The following CCNY variants were observed in gnomAD, a reference collection of about 807,000 sequenced individuals.
The protein encoded by CCNY is cyclin Y.
A neutral mutation model predicts 42.8 loss-of-function variants in CCNY; 19 were observed. The ratio of observed to expected loss-of-function variants is 0.44; its 90% CI spans 0.31 to 0.65. The LOEUF (loss-of-function observed/expected upper bound fraction) is 0.65. Among genes scored for constraint, CCNY ranks in the 30% least tolerant of loss-of-function variants. The pLI is 0.07. For synonymous variants in CCNY, 165 were observed against 162.7 expected (o/e 1.01, Z -0.11); for missense variants, 370 against 437.3 (o/e 0.85, Z 1.37).
rs57188309 is a variant in CCNY, at chr10:35,416,160, C to CGTGTGTGTGTGTGT, written c.155-67223_155-67210dup. The stretch of plus-strand genomic sequence containing the variant: ...ACCTGATCTGGAAACTTGTGGCACC[C>CGTGTGTGTGTGTGT]GTGTGTGTGTGTGTGTGTGTGTGTG... On this transcript the variant is annotated intron_variant, in intron 1 of 9. Coordinates refer to ENST00000374704, the MANE Select transcript of CCNY (RefSeq NM_145012.6). 6.4e-3 allele frequency among the ~76,000 whole-genome samples: 921 copies of CGTGTGTGTGTGTGT among 144,570 alleles called. 9 individuals carry two copies. The highest frequency in any genetic ancestry group is 0.016 in the East Asian group (78 of 4,910). 94.8% of individuals were successfully genotyped at this position (144,570 alleles called of 152,430 possible). A position where few individuals can be genotyped will look rare whatever the true frequency, so the allele number is the denominator to read the frequency against.
intron 1 of CCNY, among the ~76,000 whole-genome samples, chr10:35,457,563 T>C (rs1226348019): frequency 2.0e-5 from 3 of 152,142 alleles, no homozygotes; most frequent in Non-Finnish European, 4.4e-5. Flanking sequence ...GTTACTCTAC[T>C]GTAACCCAAA....
At chr10:35,268,916 G>A (rs2095728308) in intron 3 of CCNY, among the ~76,000 whole-genome samples, 1 of 152,224 alleles carries the variant, frequency 6.6e-6, no homozygotes, top group South Asian at 2.1e-4. Flanking sequence ...CTGCCCTCAA[G>A]GGCCTAGCAC....
chr10:35,563,052 A>G (rs1226929597), intron 8 of CCNY, among the ~76,000 whole-genome samples: 1 of 152,058 alleles, frequency 6.6e-6, no homozygotes, highest in Non-Finnish European at 1.5e-5. Context: ...ATCTAAATGC[A>G]GATAGTAAAT....
intron 3 of CCNY, among the ~76,000 whole-genome samples, chr10:35,271,029 T>A (rs539456314): frequency 6.6e-6 from 1 of 152,258 alleles, no homozygotes; most frequent in South Asian, 2.1e-4. Context: ...TTGGCCTTGG[T>A]ATATTTTTAT....
chr10:35,261,882 A>T (rs1022091072), intron 3 of CCNY, among the ~76,000 whole-genome samples: 1 of 152,012 alleles, frequency 6.6e-6, no homozygotes, highest in Non-Finnish European at 1.5e-5. Flanking sequence ...TTAGCCAGGC[A>T]TGGTGGTGCG....
At chr10:35,293,788 A>AT (rs796927132) in intron 3 of CCNY, among the ~76,000 whole-genome samples, 1,892 of 139,822 alleles carry the variant, frequency 0.014, 16 homozygotes, top group African/African-American at 0.021. Context: ...CATACAATTG[A>AT]TTTTTTTTTT....
At chr10:35,465,905 A>AAGAGAGAGAGAGAGAG (rs56166429) in intron 1 of CCNY, among the ~76,000 whole-genome samples, 77 of 99,206 alleles carry the variant, frequency 7.8e-4, no homozygotes, top group South Asian at 3.5e-3. Flanking sequence ...GGGTAGGGGG[A>AAGAGAGAGAGAGAGAG]AGAGAGAGAG....
intron 1 of CCNY, among the ~76,000 whole-genome samples, chr10:35,355,161 G>A (rs528858449): frequency 1.3e-5 from 2 of 152,254 alleles, no homozygotes; most frequent in Admixed American, 1.3e-4. Context: ...TTACTCTCCT[G>A]TGTGTTGTCA....
At chr10:35,430,472 G>GA in intron 1 of CCNY, among the ~76,000 whole-genome samples, 1 of 152,174 alleles carries the variant, frequency 6.6e-6, no homozygotes, top group East Asian at 1.9e-4. Context: ...AGGAAAGAGG[G>GA]AGAATGTGAT....
intron 3 of CCNY, among the ~76,000 whole-genome samples, chr10:35,257,537 T>C (rs996080556): frequency 7.2e-5 from 11 of 152,176 alleles, no homozygotes; most frequent in Admixed American, 6.6e-4. Context: ...GTTTGTTTTG[T>C]TTTCTTTTAG....
At chr10:35,256,213 G>A in intron 3 of CCNY, among the ~76,000 whole-genome samples, 1 of 152,030 alleles carries the variant, frequency 6.6e-6, no homozygotes. Context: ...CTGATAAGGT[G>A]GGTTTTCTGT....
intron 1 of CCNY, among the ~76,000 whole-genome samples, chr10:35,405,167 G>A (rs572940943): frequency 6.6e-6 from 1 of 152,296 alleles, no homozygotes; most frequent in East Asian, 1.9e-4. Flanking sequence ...CAGGGGAATT[G>A]TAAGGAGAGT....
At chr10:35,283,809 C>T (rs187237939) in intron 3 of CCNY, among the ~76,000 whole-genome samples, 170 of 152,202 alleles carry the variant, frequency 1.1e-3, no homozygotes, top group Non-Finnish European at 1.4e-3. Context: ...TTGGGCCGGG[C>T]GAGGTGTCTC....
At chr10:35,535,800 C>T (rs913614962) in intron 7 of CCNY, among the ~76,000 whole-genome samples, 12 of 152,120 alleles carry the variant, frequency 7.9e-5, no homozygotes, top group African/African-American at 2.9e-4. Flanking sequence ...AGATGATGTG[C>T]ATAGGTTATA....
chr10:35,473,253 AC>A (rs750346138), intron 1 of CCNY, among the ~76,000 whole-genome samples: 70 of 152,286 alleles, frequency 4.6e-4, no homozygotes, highest in Non-Finnish European at 6.3e-4. Flanking sequence ...CCACATGCCC[AC>A]CTGCCTCGTG....
intron 1 of CCNY, among the ~76,000 whole-genome samples, chr10:35,480,616 C>T (rs977372397): frequency 2.0e-5 from 3 of 152,126 alleles, no homozygotes; most frequent in African/African-American, 7.2e-5. Context: ...GCAGTCCAGC[C>T]ACTCAGAGGG....
intron 1 of CCNY, among the ~76,000 whole-genome samples, chr10:35,388,621 G>A (rs1400153655): frequency 6.6e-6 from 1 of 152,064 alleles, no homozygotes; most frequent in African/African-American, 2.4e-5. Context: ...TTTCTCTTTT[G>A]ACATATAAAT....
At chr10:35,260,921 G>A (rs538823822) in intron 3 of CCNY, among the ~76,000 whole-genome samples, 6 of 152,226 alleles carry the variant, frequency 3.9e-5, no homozygotes, top group South Asian at 2.1e-4. Flanking sequence ...AACCAGCCAC[G>A]GCAACCTTGT....
chr10:35,540,564 C>CTTTTTTTTTTTTTTTTTTTT (rs561129843), intron 7 of CCNY, among the ~76,000 whole-genome samples: 59 of 144,784 alleles, frequency 4.1e-4, no homozygotes, highest in African/African-American at 1.4e-3. Context: ...ATTCCTTCTA[C>CTTTTTTTTTTTTTTTTTTTT]TTTTTTTTTT....
Sources: gnomAD v4.1 joint callset for allele counts (sites outside exome capture counted in the v4.1 genomes callset) on GRCh38, gnomAD v4.1.1 for gene constraint, MANE v1.5 for transcripts, NCBI Gene and HGNC (gene_info 2026-07-23, HGNC 2026-07-21) for gene names.